The following RBBP8 variants were observed in gnomAD, a reference collection of about 807,000 sequenced individuals.
RBBP8 encodes DNA endonuclease RBBP8.
In RBBP8, 88 loss-of-function variants were observed where a neutral mutation model predicts 108.3. That is an observed-to-expected ratio of 0.81 (90% CI 0.68 to 0.97). RBBP8 has a LOEUF of 0.97. RBBP8 is among the 50% of genes least tolerant of loss of function. The probability of loss-of-function intolerance (pLI) is 0.00; values close to 1 mark genes in which losing one functional copy is unlikely to be tolerated. For synonymous variants in RBBP8, 332 were observed against 348.2 expected, an observed-to-expected ratio of 0.95 and a Z score of 0.52; for missense variants, 1,023 against 1,049.0, an observed-to-expected ratio of 0.98 and a Z score of 0.34.
rs745500060 is a variant in RBBP8, at chr18:22,984,977, A to G, written c.696A>G (p.Gln232=). 4 of 1,611,662 alleles carry G rather than the reference A, an allele frequency of 2.5e-6. No individual in the cohort carries two copies. The highest frequency in any genetic ancestry group is 1.3e-5 in the African/African-American group (1 of 75,008). The change falls in exon 8 of 19, where the codon CAA becomes CAG. Residue 232 remains glutamine (Q), a synonymous_variant. Transcript: ENST00000327155. ...TAGCTGACACTTATGACCAAAGTCAATCTCCAATGGCCAGTAAGCAAGATA... is the reference window on the plus strand; with the variant it reads ...TAGCTGACACTTATGACCAAAGTCAGTCTCCAATGGCCAGTAAGCAAGATA... The part of the protein sequence containing the change: ...ILVADTYDQS[Q]SPMAKAHGTS...
In RBBP8 at chr18:22,990,923, T is replaced by G; in HGVS notation, c.808-14T>G. 1.3e-6 allele frequency: 2 copies of G among 1,574,724 alleles called. No homozygotes were observed. Among genetic ancestry groups the G allele is most frequent in the Non-Finnish European group, 1.7e-6 (2 of 1,145,148 alleles). Reference sequence around the variant, plus strand: ...TCCCATTACATGGATGTGCTTCATATTTTACTCTTGAAGGAAACTCAAGGT... The same window carrying G: ...TCCCATTACATGGATGTGCTTCATAGTTTACTCTTGAAGGAAACTCAAGGT... On this transcript the variant is annotated splice_polypyrimidine_tract_variant and intron_variant, in intron 9 of 18. Transcript: ENST00000327155.
intron 3 of RBBP8, among the ~76,000 whole-genome samples, chr18:22,924,876 T>G (rs1909731009): frequency 6.6e-6 from 1 of 151,662 alleles, no homozygotes; most frequent in Non-Finnish European, 1.5e-5. Flanking sequence ...CTACCATAAC[T>G]GAGAAAAGGA....
At chr18:22,915,291 T>A (rs1259219557) in intron 1 of RBBP8, 1 of 152,196 alleles carries the variant, frequency 6.6e-6, no homozygotes, top group African/African-American at 2.4e-5. Context: ...TTTGTCACTA[T>A]GTTCAAACTC....
At chr18:22,943,183 G>C (rs1461150540) in intron 2 of RBBP8, among the ~76,000 whole-genome samples, 3 of 152,170 alleles carry the variant, frequency 2.0e-5, no homozygotes, top group Admixed American at 1.3e-4. Context: ...TGGGCACAGT[G>C]GCACACACTT....
At chr18:22,967,005 C>T (rs887295644) in intron 4 of RBBP8, among the ~76,000 whole-genome samples, 1 of 152,092 alleles carries the variant, frequency 6.6e-6, no homozygotes, top group Admixed American at 6.5e-5. Flanking sequence ...GGATTACAGG[C>T]GTAAGCCACC....
Position 22,977,289 on chromosome 18 carries a change from T to C in RBBP8, c.428+2070T>C, listed in dbSNP as rs150777570. 2.9e-4 allele frequency among the ~76,000 whole-genome samples: 44 copies of C among 152,166 alleles called. No individual in the cohort carries two copies. The East Asian group carries it at 5.2e-3, about 18-fold the overall frequency. The stretch of plus-strand genomic sequence containing the variant: ...CTGATCACCTAAACCACTGTCATAT[T>C]ATGCTATTTGTGCCTGAAATTTCCC... On this transcript the variant is annotated intron_variant, in intron 6 of 18. Transcript: ENST00000327155.
In RBBP8 at chr18:22,946,361, CA is replaced by C. The variant is rs1194198839; in HGVS notation, c.110-82del. On this transcript the variant is annotated intron_variant, in intron 2 of 18. Coordinates refer to ENST00000327155, the MANE Select transcript of RBBP8 (RefSeq NM_002894.3). ...GAGACCTGGTTTATTATTTAGAGGC[CA>C]GACTGATGTGACTTAATAGTGGAGC... The C allele has an allele frequency of 6.4e-6, 10 of 1,570,534 alleles. No homozygotes were observed. The East Asian group carries it at 2.3e-4, about 36-fold the overall frequency.
At chr18:22,975,659 A>G (rs1355120658) in intron 6 of RBBP8, among the ~76,000 whole-genome samples, 2 of 151,662 alleles carry the variant, frequency 1.3e-5, no homozygotes, top group East Asian at 3.9e-4. Context: ...GAATAAAACC[A>G]GTAACTTTTA....
rs1442963356 is a variant in RBBP8 at position 22,915,381 on chromosome 18, G to A, written c.-305-39G>A. ...ATGTTGACAAAGAATAAATTTAAAA[G>A]TGTGAATAAATGTTCAGATGAGATT... On this transcript the variant is annotated intron_variant, in intron 1 of 4. Transcript: ENST00000577588. 10 of 152,198 alleles carry A rather than the reference G, an allele frequency of 6.6e-5. No individual in the cohort carries two copies. The East Asian group carries it at 1.9e-3, about 29-fold the overall frequency. The allele number at this position is 152,198 out of a possible 1,614,324, so 9.4% of individuals were successfully genotyped here. A position where few individuals can be genotyped will look rare whatever the true frequency, so the allele number is the denominator to read the frequency against.
At chr18:22,946,304 G>A in intron 2 of RBBP8, 140 bp from the exon 3 acceptor site, 1 of 1,086,522 alleles carries the variant, frequency 9.2e-7, no homozygotes, top group Non-Finnish European at 1.3e-6. Context: ...TGACTGCAGA[G>A]TACACGTAAG....
At chr18:22,930,082 A>C (rs2144358987), upstream of RBBP8, among the ~76,000 whole-genome samples, 1 of 152,334 alleles carries the variant, frequency 6.6e-6, no homozygotes, top group African/African-American at 2.4e-5. Flanking sequence ...GATGACTTTT[A>C]AATCTACGTG....
intron 3 of RBBP8, among the ~76,000 whole-genome samples, chr18:22,926,424 A>AAAAT (rs1209330038): frequency 3.3e-5 from 5 of 152,220 alleles, no homozygotes; most frequent in South Asian, 2.1e-4. Context: ...ACTCTGTATC[A>AAAAT]AAATAAATAA....
intron 1 of RBBP8, chr18:22,934,222 T>A (rs1434082023): frequency 6.6e-6 from 1 of 152,316 alleles, no homozygotes; most frequent in African/African-American, 2.4e-5. Context: ...GAATAACGGT[T>A]CATTGCAGAG....
At chr18:22,953,027 T>G (rs929881598) in intron 4 of RBBP8, among the ~76,000 whole-genome samples, 1 of 152,204 alleles carries the variant, frequency 6.6e-6, no homozygotes, top group Admixed American at 6.5e-5. Context: ...GAAGCAAACA[T>G]CAATAAGACT....
rs757143335 is a variant in RBBP8, at chr18:22,968,891, CA to C, written c.335del (p.Gln112ArgfsTer10). The C allele has an allele frequency of 6.2e-7, 1 of 1,612,584 alleles. No individual in the cohort carries two copies. Among genetic ancestry groups the C allele is most frequent in the Non-Finnish European group, 8.5e-7 (1 of 1,178,850 alleles). On this transcript the variant is annotated frameshift_variant, in exon 5 of 19. Coordinates refer to ENST00000327155, the MANE Select transcript of RBBP8 (RefSeq NM_002894.3). LOFTEE classifies it high-confidence loss of function. ...GCAAGAGTTTGAAAATATCCGGCAG[CA>C]GAATCTTAAACTTATTACAGAACTT... Reference protein sequence around the residue: ...KQQEFENIRQQNLKLITELMN... With the variant: ...KQQEFENIRQXNLKLITELMN...
At position 22,949,923 on chromosome 18, in the gene RBBP8, T is replaced by C. The variant is rs76274883; in HGVS notation, c.248+210T>C. The C allele has an allele frequency of 5.7e-3, 2,907 of 506,006 alleles. 55 individuals carry two copies. Among genetic ancestry groups the C allele is most frequent in the African/African-American group, 0.049 (2,564 of 52,000 alleles). 31.3% of individuals were successfully genotyped at this position (506,006 alleles called of 1,614,324 possible). A position where few individuals can be genotyped will look rare whatever the true frequency, so the allele number is the denominator to read the frequency against. On this transcript the variant is annotated intron_variant, in intron 4 of 18. Transcript: ENST00000327155. ...ACATCAGTTTACCCTTTAAATGATA[T>C]CTTTATCTGGTGTTTGATGTAGTGG...
At chr18:22,953,739 T>A (rs200235687) in intron 4 of RBBP8, among the ~76,000 whole-genome samples, 19 of 152,136 alleles carry the variant, frequency 1.2e-4, no homozygotes, top group East Asian at 9.6e-4. Context: ...TATATATTTT[T>A]TTTTTATTTT....
Position 23,003,323 on chromosome 18 carries a change from G to A in RBBP8, c.2287+1594G>A, listed in dbSNP as rs929412597. On this transcript the variant is annotated intron_variant, in intron 15 of 18. Transcript: ENST00000327155. ...ACTTCCAACCAAATAATCTTCAAAC[G>A]TTTTTATTTTTCCCAGTCACCCAGG... Among the ~76,000 whole-genome samples the A allele has an allele frequency of 3.9e-5, 6 of 152,006 alleles. No homozygotes were observed. In the East Asian group the frequency reaches 5.8e-4, roughly 15 times the overall value.
chr18:22,918,300 TTG>T (rs566313321), intron 3 of RBBP8, among the ~76,000 whole-genome samples: 6 of 152,200 alleles, frequency 3.9e-5, no homozygotes, highest in Non-Finnish European at 8.8e-5. Flanking sequence ...GATTTCATTG[TTG>T]TGTGAACATT....
Sources: gnomAD v4.1 joint callset for allele counts (sites outside exome capture counted in the v4.1 genomes callset) on GRCh38, gnomAD v4.1.1 for gene constraint, MANE v1.5 for transcripts, NCBI Gene and HGNC (gene_info 2026-07-23, HGNC 2026-07-21) for gene names.